SEC22A: variants seen among roughly 807,000 people sequenced by gnomAD.
SEC22A encodes the protein vesicle-trafficking protein SEC22a.
SEC22A carries 22 observed loss-of-function variants against 35.3 expected under a neutral mutation model. The ratio of observed to expected loss-of-function variants is 0.62; its 90% CI spans 0.45 to 0.89. The LOEUF is 0.89. Ranked by LOEUF, SEC22A falls within the 40% of genes least tolerant of loss-of-function variation. The pLI is 0.00. For synonymous variants in SEC22A, 119 were observed against 129.5 expected (o/e 0.92, Z 0.55); for missense variants, 354 against 362.5 (o/e 0.98, Z 0.19).
chr3:123,248,264 A>G lies in SEC22A; in HGVS notation c.657+2250A>G, dbSNP rs546308768. 2.0e-5 allele frequency among the ~76,000 whole-genome samples: 3 copies of G among 152,318 alleles called. No individual in the cohort carries two copies. The South Asian group carries it at 6.2e-4, about 32-fold the overall frequency. ...TATACAGATTAGGAAGGAAAAAATA[A>G]AGCTGTCTTTGTTCACAGATGACAT... On this transcript the variant is annotated intron_variant, in intron 5 of 6. Coordinates refer to ENST00000492595, the MANE Select transcript of SEC22A (RefSeq NM_012430.5).
rs534764173 is a variant in SEC22A at position 123,270,533 on chromosome 3, GTT to G, written c.724-987_724-986del. Among the ~76,000 whole-genome samples the G allele has an allele frequency of 4.8e-3, 733 of 152,230 alleles. 5 individuals are homozygous for G. Among genetic ancestry groups the G allele is most frequent in the African/African-American group, 0.017 (701 of 41,538 alleles). On this transcript the variant is annotated intron_variant, in intron 6 of 6. Coordinates refer to ENST00000492595, the MANE Select transcript of SEC22A (RefSeq NM_012430.5). ...AATTTTAGACATCTTCTAGAAAACAGTTTATTCACTCAACACATTGAGCACTT... is the reference window on the plus strand; with the variant it reads ...AATTTTAGACATCTTCTAGAAAACAGTATTCACTCAACACATTGAGCACTT...
intron 1 of SEC22A, among the ~76,000 whole-genome samples, chr3:123,207,924 A>G (rs1156430726): frequency 6.6e-6 from 1 of 152,220 alleles, no homozygotes; most frequent in Non-Finnish European, 1.5e-5. Flanking sequence ...ATTTATTTTA[A>G]ATAATTTTTT....
chr3:123,250,112 A>G (rs922946762), intron 5 of SEC22A, among the ~76,000 whole-genome samples: 1 of 152,178 alleles, frequency 6.6e-6, no homozygotes, highest in East Asian at 1.9e-4. Context: ...GACTTTCTCC[A>G]TAATAAGAAG....
intron 2 of SEC22A, among the ~76,000 whole-genome samples, chr3:123,212,095 A>G (rs1313164303): frequency 6.6e-6 from 1 of 152,016 alleles, no homozygotes; most frequent in African/African-American, 2.4e-5. Context: ...AGGTTTTGAC[A>G]AGGTAGTTCA....
intron 2 of SEC22A, among the ~76,000 whole-genome samples, chr3:123,219,471 A>G (rs1937086958): frequency 1.3e-5 from 2 of 152,216 alleles, no homozygotes; most frequent in African/African-American, 4.8e-5. Flanking sequence ...GGGCCTTGGA[A>G]TCAACTAACT....
At chr3:123,223,300 A>G (rs112549219) in intron 2 of SEC22A, among the ~76,000 whole-genome samples, 3,115 of 152,326 alleles carry the variant, frequency 0.02, 54 homozygotes, top group Non-Finnish European at 0.025. Flanking sequence ...TTTTTACCCC[A>G]AGTGATAACT....
intron 5 of SEC22A, among the ~76,000 whole-genome samples, chr3:123,246,659 TTTTGTAAAC>T (rs1937569733): frequency 3.9e-5 from 6 of 152,342 alleles, no homozygotes; most frequent in Admixed American, 3.3e-4. Flanking sequence ...CTCTTATGCT[TTTTGTAAAC>T]TTTTTGAAAT....
At chr3:123,251,107 C>G (rs370005850) in intron 5 of SEC22A, among the ~76,000 whole-genome samples, 1 of 152,094 alleles carries the variant, frequency 6.6e-6, no homozygotes, top group Non-Finnish European at 1.5e-5. Flanking sequence ...ATATTTTTGT[C>G]GGGGAGCCTG....
chr3:123,225,525 A>T (rs1339061037), intron 4 of SEC22A, among the ~76,000 whole-genome samples: 1 of 152,122 alleles, frequency 6.6e-6, no homozygotes, highest in Non-Finnish European at 1.5e-5. Flanking sequence ...CTAGAAAAAC[A>T]TTTTTTTAAA....
chr3:123,212,403 G>A (rs886297920), intron 2 of SEC22A, among the ~76,000 whole-genome samples: 3 of 152,064 alleles, frequency 2.0e-5, no homozygotes, highest in Non-Finnish European at 4.4e-5. Context: ...AATAGGCTCT[G>A]TTAGTGTCCT....
At chr3:123,220,691 A>T (rs1023046435) in intron 2 of SEC22A, among the ~76,000 whole-genome samples, 1 of 151,838 alleles carries the variant, frequency 6.6e-6, no homozygotes, top group African/African-American at 2.4e-5. Context: ...CACTTTGAAA[A>T]ACATTGCACT....
intron 2 of SEC22A, among the ~76,000 whole-genome samples, chr3:123,211,950 T>C (rs1196265674): frequency 6.6e-6 from 1 of 152,056 alleles, no homozygotes; most frequent in Non-Finnish European, 1.5e-5. Context: ...CCAGCTACTG[T>C]GGCGACATAC....
At chr3:123,262,563 A>G (rs192339983) in intron 6 of SEC22A, among the ~76,000 whole-genome samples, 24 of 152,356 alleles carry the variant, frequency 1.6e-4, no homozygotes, top group African/African-American at 5.8e-4. Flanking sequence ...TCTGGTTTTC[A>G]GCACACTATT....
intron 5 of SEC22A, 77 bp from the exon 6 acceptor site, chr3:123,259,447 C>A: frequency 1.0e-6 from 1 of 976,254 alleles, no homozygotes; most frequent in Non-Finnish European, 1.6e-6. Context: ...AATATTGTTA[C>A]ATCCTATCTT....
intron 5 of SEC22A, among the ~76,000 whole-genome samples, chr3:123,248,572 TAAATC>T (rs1389764276): frequency 6.9e-6 from 1 of 145,890 alleles, no homozygotes; most frequent in South Asian, 2.1e-4. Flanking sequence ...TCTGATCAAA[TAAATC>T]AAAGAAGATC....
At chr3:123,256,724 A>C (rs967092653) in intron 5 of SEC22A, among the ~76,000 whole-genome samples, 2 of 149,898 alleles carry the variant, frequency 1.3e-5, no homozygotes, top group African/African-American at 4.9e-5. Context: ...TGACCTCCTT[A>C]AGTTGGTGTG....
intron 6 of SEC22A, among the ~76,000 whole-genome samples, chr3:123,267,552 T>A (rs528458889): frequency 2.0e-5 from 3 of 152,284 alleles, no homozygotes; most frequent in African/African-American, 7.2e-5. Context: ...TAGAACCACA[T>A]CAGCCAGTGT....
At chr3:123,256,951 T>G (rs1937746788) in intron 5 of SEC22A, among the ~76,000 whole-genome samples, 1 of 151,740 alleles carries the variant, frequency 6.6e-6, no homozygotes, top group South Asian at 2.1e-4. Context: ...AGTAGAGACA[T>G]GGTTTCACTG....
intron 2 of SEC22A, among the ~76,000 whole-genome samples, chr3:123,217,044 G>A (rs7646286): frequency 0.024 from 3,576 of 152,070 alleles, 136 homozygotes; most frequent in African/African-American, 0.082. Context: ...GTCTAGGCTG[G>A]TCTCTAACTC....
Sources: gnomAD v4.1 joint callset for allele counts (sites outside exome capture counted in the v4.1 genomes callset) on GRCh38, gnomAD v4.1.1 for gene constraint, MANE v1.5 for transcripts, NCBI Gene and HGNC (gene_info 2026-07-23, HGNC 2026-07-21) for gene names.